The following LRBA variants were observed in gnomAD, a reference collection of about 807,000 sequenced individuals.
LRBA encodes lipopolysaccharide-responsive and beige-like anchor protein.
A neutral mutation model predicts 330.0 loss-of-function variants in LRBA; 176 were observed. The ratio of observed to expected loss-of-function variants is 0.53; its 90% CI spans 0.47 to 0.60. The LOEUF is 0.60. LRBA is among the 20% of genes least tolerant of loss of function. The probability of loss-of-function intolerance (pLI) is 0.00; values close to 1 mark genes in which losing one functional copy is unlikely to be tolerated. For missense variants in LRBA, 3,259 were observed against 3,444.8 expected, an observed-to-expected ratio of 0.95 and a Z score of 1.35; for synonymous variants, 1,230 against 1,193.0, an observed-to-expected ratio of 1.03 and a Z score of -0.64.
chr4:150,759,521 T>G (rs893992465), intron 35 of LRBA, among the ~76,000 whole-genome samples: 2 of 152,154 alleles, frequency 1.3e-5, no homozygotes, highest in African/African-American at 4.8e-5. Flanking sequence ...CTTGCTCCAA[T>G]GTTACTTTCT....
chr4:150,288,793 C>CTTT (rs1216797652), intron 53 of LRBA, among the ~76,000 whole-genome samples: 4 of 104,052 alleles, frequency 3.8e-5, no homozygotes, highest in South Asian at 3.0e-4. Context: ...TGTGATTGTT[C>CTTT]TTTTTTTTTT....
At chr4:150,562,697 C>T (rs959291037) in intron 40 of LRBA, among the ~76,000 whole-genome samples, 3 of 152,064 alleles carry the variant, frequency 2.0e-5, no homozygotes, top group African/African-American at 7.2e-5. Flanking sequence ...CATTAAAGGC[C>T]TTCAAATATT....
At chr4:150,794,620 C>T (rs1287177058) in intron 34 of LRBA, among the ~76,000 whole-genome samples, 1 of 151,838 alleles carries the variant, frequency 6.6e-6, no homozygotes, top group African/African-American at 2.4e-5. Context: ...AATGACCAAA[C>T]CTTATATCAT....
At chr4:150,677,269 T>G (rs949355866) in intron 37 of LRBA, among the ~76,000 whole-genome samples, 23 of 152,092 alleles carry the variant, frequency 1.5e-4, no homozygotes, top group Admixed American at 3.9e-4. Flanking sequence ...AGTACTAAAT[T>G]CTGCAATATA....
chr4:150,758,594 G>GAAAGGGTCTCATTCA (rs1734641332), intron 35 of LRBA, among the ~76,000 whole-genome samples: 1 of 127,378 alleles, frequency 7.9e-6, no homozygotes, highest in Non-Finnish European at 1.6e-5. Flanking sequence ...TTTTTTTTGA[G>GAAAGGGTCTCATTCA]AAAGGGTCTC....
rs150854432 is a variant in LRBA, at chr4:150,831,872, C to T, written c.4674G>A (p.Arg1558=). The change falls in exon 29 of 57, where the codon AGG becomes AGA. Residue 1558 remains arginine, a synonymous_variant. Coordinates refer to ENST00000651943, the MANE Select transcript of LRBA (RefSeq NM_001364905.1). ...CAGTTTCTGTACATGACTGGCTATG[C>T]CTTTCATTTTGGGGTTCCAAAATGT... ...YRDILEPQNE[R]HSQSCTETGS... The T allele has an allele frequency of 1.2e-6, 2 of 1,604,766 alleles. No individual in the cohort carries two copies. Among genetic ancestry groups the T allele is most frequent in the African/African-American group, 2.7e-5 (2 of 74,626 alleles).
rs942933655 is a variant in LRBA at position 150,310,123 on chromosome 4, T to C, written c.7849+106A>G. 6 of 724,548 alleles carry C rather than the reference T, an allele frequency of 8.3e-6. No individual in the cohort carries two copies. The Admixed American group carries it at 9.4e-5, about 11-fold the overall frequency. 44.9% of individuals were successfully genotyped at this position (724,548 alleles called of 1,614,324 possible). On this transcript the variant is annotated intron_variant, in intron 52 of 56. Coordinates refer to ENST00000651943, the MANE Select transcript of LRBA (RefSeq NM_001364905.1). ...CCCTCTTCTCCCTATTTTGTAAATT[T>C]TAGGATTTTGTAATTTTTGGAAGGA...
chr4:150,924,291 C>T (rs761275703), intron 4 of LRBA, among the ~76,000 whole-genome samples: 14 of 152,070 alleles, frequency 9.2e-5, no homozygotes, highest in South Asian at 2.1e-4. Context: ...GTGGAGGGAT[C>T]GCTTGAGCCT....
At chr4:150,388,849 A>T (rs1354151102) in intron 47 of LRBA, among the ~76,000 whole-genome samples, 5 of 152,228 alleles carry the variant, frequency 3.3e-5, no homozygotes, top group South Asian at 2.1e-4. Context: ...AGTTAATTAA[A>T]ACTAAAAATT....
rs1424902216 is a variant in LRBA at position 150,590,752 on chromosome 4, G to C, written c.6154C>G (p.Leu2052Val). ...EILLEGDDDTLSSVDEKDLEN... is the reference protein window; with the variant it reads ...EILLEGDDDTVSSVDEKDLEN... ...AAATCTTTCTCATCCACGGATGACA[G>C]AGTATCATCATCGCCTTCCAGGAGG... Residue 2052 changes from leucine (L) to valine (V), a missense_variant, in exon 39 of 57, where the codon CTG becomes GTG. By Grantham distance (32) the Leu-to-Val change is conservative (BLOSUM62 1). Transcript: ENST00000651943. 5 of 1,613,858 alleles carry C rather than the reference G, an allele frequency of 3.1e-6. No homozygotes were observed. The highest frequency in any genetic ancestry group is 4.2e-6 in the Non-Finnish European group (5 of 1,179,904).
At chr4:150,494,480 A>T (rs1759333688) in intron 40 of LRBA, among the ~76,000 whole-genome samples, 1 of 152,222 alleles carries the variant, frequency 6.6e-6, no homozygotes, top group Admixed American at 6.5e-5. Context: ...ATGATCATAC[A>T]ACTAAAGATT....
chr4:150,806,845 C>T (rs1405657593), intron 32 of LRBA, among the ~76,000 whole-genome samples: 1 of 151,862 alleles, frequency 6.6e-6, no homozygotes, highest in African/African-American at 2.4e-5. Flanking sequence ...ACGTTGAGTG[C>T]TTATAAATTA....
At position 150,921,241 on chromosome 4, in the gene LRBA, T is replaced by C. The variant is rs1175469281; in HGVS notation, c.602A>G (p.Tyr201Cys). ...AAAGTTAAAAAAGGCATCAGGACCA[T>C]ACTTCTGAGGCATATGCTTTAACAC... ...LSVLKHMPQK[Y>C]GPDAFFNFPG... Residue 201 changes from tyrosine to cysteine, a missense_variant, in exon 5 of 57, where the codon TAT becomes TGT. Physicochemically the swap from Tyr to Cys is radical, Grantham distance 194 (BLOSUM62 -2). Coordinates refer to ENST00000651943, the MANE Select transcript of LRBA (RefSeq NM_001364905.1). The C allele has an allele frequency of 3.1e-6, 5 of 1,613,616 alleles. No individual in the cohort carries two copies. Among genetic ancestry groups the C allele is most frequent in the East Asian group, 2.2e-5 (1 of 44,862 alleles).
rs753014789 is a variant in LRBA, at chr4:150,597,088, C to T, written c.6046+1919G>A. On this transcript the variant is annotated intron_variant, in intron 38 of 56. Coordinates refer to ENST00000651943, the MANE Select transcript of LRBA (RefSeq NM_001364905.1). ...AAATATTACTCAATGCTTACCTTTGCTGTTCTCTCTCAATTTAAAAATGCA... is the reference window on the plus strand; with the variant it reads ...AAATATTACTCAATGCTTACCTTTGTTGTTCTCTCTCAATTTAAAAATGCA... 5 of 1,391,250 alleles carry T rather than the reference C, an allele frequency of 3.6e-6. No individual in the cohort carries two copies. Among genetic ancestry groups the T allele is most frequent in the Non-Finnish European group, 5.0e-6 (5 of 1,000,784 alleles). The allele number at this position is 1,391,250 out of a possible 1,614,324, so 86.2% of individuals were successfully genotyped here. A position where few individuals can be genotyped will look rare whatever the true frequency, so the allele number is the denominator to read the frequency against.
chr4:150,750,259 T>C (rs1017838921), intron 35 of LRBA, among the ~76,000 whole-genome samples: 8 of 152,332 alleles, frequency 5.3e-5, no homozygotes, highest in African/African-American at 1.9e-4. Flanking sequence ...CAGCACAGAC[T>C]TATTCACAGC....
chr4:150,782,737 T>C (rs915465612), intron 34 of LRBA, among the ~76,000 whole-genome samples: 1 of 152,124 alleles, frequency 6.6e-6, no homozygotes, highest in African/African-American at 2.4e-5. Flanking sequence ...CATTCACAGG[T>C]TCCAGGGATT....
chr4:150,561,199 A>G (rs948278736), intron 40 of LRBA, among the ~76,000 whole-genome samples: 2 of 152,144 alleles, frequency 1.3e-5, no homozygotes, highest in African/African-American at 2.4e-5. Flanking sequence ...ATATGACAAA[A>G]CTGTGTTATT....
chr4:150,468,641 A>G (rs944102882), intron 43 of LRBA, among the ~76,000 whole-genome samples: 2 of 152,082 alleles, frequency 1.3e-5, no homozygotes, highest in Non-Finnish European at 2.9e-5. Context: ...TAGATTTAAC[A>G]TGAACAGACT....
At chr4:150,447,031 T>A (rs933287881) in intron 44 of LRBA, among the ~76,000 whole-genome samples, 4 of 152,164 alleles carry the variant, frequency 2.6e-5, no homozygotes, top group Non-Finnish European at 5.9e-5. Context: ...AAGCTCGGAT[T>A]TAGAAACCAC....
Sources: gnomAD v4.1 joint callset for allele counts (sites outside exome capture counted in the v4.1 genomes callset) on GRCh38, gnomAD v4.1.1 for gene constraint, MANE v1.5 for transcripts, NCBI Gene and HGNC (gene_info 2026-07-23, HGNC 2026-07-21) for gene names.